Variants in SYT1 observed in about 807,000 individuals in gnomAD.
The protein encoded by SYT1 is synaptotagmin 1.
SYT1 carries 8 observed loss-of-function variants against 44.8 expected under a neutral mutation model. The observed-to-expected ratio is 0.18, with a 90% CI of 0.10 to 0.32. The LOEUF (loss-of-function observed/expected upper bound fraction) is 0.32, where lower values mean the gene tolerates loss of function less well. SYT1 is among the 10% of genes least tolerant of loss of function. SYT1 has a pLI of 1.00. For missense variants in SYT1, 286 were observed against 509.3 expected (o/e 0.56, Z 4.22); for synonymous variants, 154 against 188.8 (o/e 0.82, Z 1.51).
At chr12:79,344,160 C>T (rs1055704951) in intron 8 of SYT1, among the ~76,000 whole-genome samples, 5 of 152,206 alleles carry the variant, frequency 3.3e-5, no homozygotes, top group African/African-American at 9.6e-5. Context: ...TCACCTCCTT[C>T]AAATCCTTCT....
chr12:79,424,851 T>C (rs532871150), intron 9 of SYT1, among the ~76,000 whole-genome samples: 58 of 152,102 alleles, frequency 3.8e-4, no homozygotes, highest in African/African-American at 1.3e-3. Context: ...TTTTAAGTTT[T>C]TAAATTTGTT....
At chr12:79,066,043 C>T (rs1048251588) in intron 3 of SYT1, among the ~76,000 whole-genome samples, 9 of 152,002 alleles carry the variant, frequency 5.9e-5, no homozygotes, top group Admixed American at 4.6e-4. Context: ...CATATATACC[C>T]ACATGCATGA....
chr12:79,371,173 A>G (rs1271138297), intron 9 of SYT1, among the ~76,000 whole-genome samples: 1 of 152,166 alleles, frequency 6.6e-6, no homozygotes, highest in Non-Finnish European at 1.5e-5. Context: ...AAGGTTTGGA[A>G]AAGAGACTCG....
chr12:79,060,544 T>G (rs1167562899), intron 3 of SYT1, among the ~76,000 whole-genome samples: 1 of 152,068 alleles, frequency 6.6e-6, no homozygotes. Context: ...CTGACTATTC[T>G]AACTACGTCA....
At chr12:79,201,187 G>A (rs1873764288) in intron 3 of SYT1, among the ~76,000 whole-genome samples, 1 of 152,140 alleles carries the variant, frequency 6.6e-6, no homozygotes, top group African/African-American at 2.4e-5. Context: ...TTTTTTGGAA[G>A]TTGGGGCTTG....
chr12:78,895,312 A>G (rs1368660065), intron 1 of SYT1, among the ~76,000 whole-genome samples: 1 of 151,762 alleles, frequency 6.6e-6, no homozygotes, highest in African/African-American at 2.4e-5. Flanking sequence ...AGCATATTAA[A>G]TAAAACAACC....
chr12:79,121,493 GCC>G (rs1236883583), intron 3 of SYT1, among the ~76,000 whole-genome samples: 1 of 152,144 alleles, frequency 6.6e-6, no homozygotes, highest in African/African-American at 2.4e-5. Flanking sequence ...AACATTGCTA[GCC>G]TCTCTCTGAT....
chr12:79,398,984 T>C (rs771367521), intron 9 of SYT1, among the ~76,000 whole-genome samples: 2 of 152,178 alleles, frequency 1.3e-5, no homozygotes, highest in Non-Finnish European at 2.9e-5. Context: ...ACCAGTACAG[T>C]AGATGAAAAT....
chr12:79,339,529 T>C (rs1655635916), intron 8 of SYT1, among the ~76,000 whole-genome samples: 1 of 152,228 alleles, frequency 6.6e-6, no homozygotes, highest in Non-Finnish European at 1.5e-5. Flanking sequence ...TTGATTTTTC[T>C]TGTAAATTTG....
intron 1 of SYT1, among the ~76,000 whole-genome samples, chr12:78,934,866 T>C (rs1029442402): frequency 1.3e-5 from 2 of 152,178 alleles, no homozygotes; most frequent in Non-Finnish European, 2.9e-5. Context: ...TGCGGGTAGA[T>C]GAAATCTTGA....
intron 9 of SYT1, among the ~76,000 whole-genome samples, chr12:79,421,734 G>GT (rs1426222334): frequency 1.3e-5 from 2 of 150,954 alleles, no homozygotes; most frequent in South Asian, 4.2e-4. Flanking sequence ...ATTGTTGGTG[G>GT]TGGTGGGTGT....
intron 9 of SYT1, among the ~76,000 whole-genome samples, chr12:79,382,928 G>A (rs373698373): frequency 1.2e-4 from 19 of 152,268 alleles, no homozygotes; most frequent in African/African-American, 3.9e-4. Flanking sequence ...AGTCTGTGTC[G>A]TGTGTGAAAC....
At chr12:79,290,281 G>GT (rs898293466) in intron 5 of SYT1, among the ~76,000 whole-genome samples, 20 of 152,170 alleles carry the variant, frequency 1.3e-4, no homozygotes, top group African/African-American at 4.6e-4. Context: ...CTGAGTCTCA[G>GT]TTTTTTAGAA....
intron 9 of SYT1, among the ~76,000 whole-genome samples, chr12:79,441,168 G>A (rs2136196304): frequency 6.6e-6 from 1 of 152,326 alleles, no homozygotes; most frequent in South Asian, 2.1e-4. Context: ...TGACTAAGTT[G>A]GGAATTTTGC....
At chr12:78,934,600 G>A (rs960303519) in intron 1 of SYT1, among the ~76,000 whole-genome samples, 5 of 151,916 alleles carry the variant, frequency 3.3e-5, no homozygotes, top group South Asian at 2.1e-4. Context: ...CATCATGTCC[G>A]GAATTGAAAA....
intron 2 of SYT1, among the ~76,000 whole-genome samples, chr12:79,019,458 A>G (rs1237186230): frequency 6.6e-6 from 1 of 152,028 alleles, no homozygotes; most frequent in African/African-American, 2.4e-5. Context: ...TGATAATATC[A>G]TAATGATAGT....
chr12:79,289,890 G>GT (rs5799424), intron 5 of SYT1, among the ~76,000 whole-genome samples: 9,787 of 135,142 alleles, frequency 0.072, 434 homozygotes, highest in East Asian at 0.15. Flanking sequence ...AAACTCAGTA[G>GT]TTTTTTTTTT....
intron 1 of SYT1, among the ~76,000 whole-genome samples, chr12:78,949,146 T>C (rs1278438247): frequency 6.6e-6 from 1 of 151,624 alleles, no homozygotes; most frequent in Admixed American, 6.6e-5. Context: ...AAAGAAATGG[T>C]ATACCTCTGA....
At chr12:78,915,297 G>A (rs4842435) in intron 1 of SYT1, among the ~76,000 whole-genome samples, 115,983 of 151,826 alleles carry the variant, frequency 0.76, 44,862 homozygotes, top group African/African-American at 0.87. Flanking sequence ...CCCTCCTCAG[G>A]GCCTAATTCA....
Sources: allele counts gnomAD v4.1 joint callset (sites outside exome capture counted in the v4.1 genomes callset), GRCh38; gene constraint gnomAD v4.1.1; transcripts MANE v1.5; gene names NCBI Gene and HGNC (gene_info 2026-07-23, HGNC 2026-07-21).